SPEG: variants seen among roughly 807,000 people sequenced by gnomAD.
The protein encoded by SPEG is striated muscle enriched protein kinase.
Under a neutral mutation model 300.4 loss-of-function variants are expected in SPEG, and 114 were observed. The observed-to-expected ratio is 0.38, with a 90% CI of 0.33 to 0.44. The LOEUF is 0.44. Among genes scored for constraint, SPEG ranks in the 20% least tolerant of loss-of-function variants. The pLI is 1.00. For synonymous variants in SPEG, 1,964 were observed against 2,018.9 expected, an observed-to-expected ratio of 0.97 and a Z score of 0.73; for missense variants, 4,201 against 4,586.2, an observed-to-expected ratio of 0.92 and a Z score of 2.43.
intron 1 of SPEG, among the ~76,000 whole-genome samples, chr2:219,441,816 C>T (rs1688933473): frequency 6.6e-6 from 1 of 151,646 alleles, no homozygotes; most frequent in Admixed American, 6.6e-5. Context: ...AAGGAAGGGG[C>T]CCCAGGTGGG....
intron 13 of SPEG, among the ~76,000 whole-genome samples, chr2:219,471,261 G>A (rs936322570): frequency 1.3e-5 from 2 of 152,198 alleles, no homozygotes; most frequent in Non-Finnish European, 2.9e-5. Context: ...AGGGAGGAAT[G>A]TTGTGAGCAA....
intron 1 of SPEG, 39 bp downstream of exon 1, chr2:219,435,404 G>A: frequency 6.6e-7 from 1 of 1,505,118 alleles, no homozygotes; most frequent in Non-Finnish European, 8.8e-7. Flanking sequence ...CAGGGGCGGG[G>A]TGCTCAGAGG....
Position 219,443,312 on chromosome 2 carries a change from G to A in SPEG, c.389-1341G>A. On this transcript the variant is annotated intron_variant, in intron 1 of 40. Transcript: ENST00000312358. The surrounding 1 kb of genome is among the most constrained non-coding windows in gnomAD (Gnocchi z 4.6). ...CCACCCACCCGACCAGGCCCCCTGTGCCCTACAGCTGAGAGAGGACCCAGC... is the reference window on the plus strand; with the variant it reads ...CCACCCACCCGACCAGGCCCCCTGTACCCTACAGCTGAGAGAGGACCCAGC... 1 of 779,890 alleles carries A rather than the reference G, an allele frequency of 1.3e-6. No homozygotes were observed. Among genetic ancestry groups the A allele is most frequent in the Non-Finnish European group, 2.3e-6 (1 of 436,504 alleles). The allele number at this position is 779,890 out of a possible 1,614,324, so 48.3% of individuals were successfully genotyped here.
chr2:219,488,949 G>T (rs371835288), intron 34 of SPEG, 49 bp downstream of exon 34: 181 of 1,593,200 alleles, frequency 1.1e-4, no homozygotes, highest in Non-Finnish European at 1.5e-4. Context: ...GGGGAGGGTA[G>T]AGGAGTCTGG....
Position 219,484,637 on chromosome 2 carries a change from C to T in SPEG, c.7174C>T (p.Arg2392Cys). 1 of 1,539,990 alleles carries T rather than the reference C, an allele frequency of 6.5e-7. No homozygotes were observed. The highest frequency in any genetic ancestry group is 1.2e-5 in the South Asian group (1 of 84,498). The change falls in exon 30 of 41, where the codon CGC (arginine) becomes TGC (cysteine). Residue 2392 changes from arginine (R) to cysteine (C), a missense_variant. By Grantham distance (180) the Arg-to-Cys change is radical (BLOSUM62 -3). This residue lies in a region of SPEG where 1,578 missense variants were observed against 1,506.0 expected (regional missense o/e 1.05). Coordinates refer to ENST00000312358, the MANE Select transcript of SPEG (RefSeq NM_005876.5). ...LELVRRPERS[R>C]SVQDLRAVGE... is the part of the protein sequence containing the mutation. ...GCTGGTGCGACGGCCTGAGCGCTCA[C>T]GCTCGGTGCAGGACCTCAGGGCTGT...
intron 6 of SPEG, chr2:219,460,217 G>T (rs1391733750): frequency 1.3e-6 from 1 of 759,516 alleles, no homozygotes; most frequent in Non-Finnish European, 1.6e-6. Context: ...AGGGATGAGG[G>T]GGCAGAGGTG....
chr2:219,472,225 A>C lies in SPEG; in HGVS notation c.3836-2A>C, dbSNP rs755808686. Reference sequence around the variant, plus strand: ...AGCAGACATTCGAACTGCGGCTTTCAGATGTGGTCCCAGGCCCTCCAGATG... The same window carrying C: ...AGCAGACATTCGAACTGCGGCTTTCCGATGTGGTCCCAGGCCCTCCAGATG... On this transcript the variant is annotated splice_acceptor_variant, in intron 14 of 40. Coordinates refer to ENST00000312358, the MANE Select transcript of SPEG (RefSeq NM_005876.5). LOFTEE classifies it high-confidence loss of function. 3 of 1,613,428 alleles carry C rather than the reference A, an allele frequency of 1.9e-6. No individual in the cohort carries two copies. The highest frequency in any genetic ancestry group is 1.1e-5 in the South Asian group (1 of 91,082).
chr2:219,451,255 A>G lies in SPEG; in HGVS notation c.2233A>G (p.Ile745Val), dbSNP rs1689721831. 1 of 1,612,660 alleles carries G rather than the reference A, an allele frequency of 6.2e-7. No homozygotes were observed. Residue 745 changes from isoleucine (I) to valine (V), a missense_variant, in exon 5 of 41, where the codon ATC becomes GTC. Coordinates refer to ENST00000312358, the MANE Select transcript of SPEG (RefSeq NM_005876.5). The surrounding 1 kb of genome is among the most constrained non-coding windows in gnomAD (Gnocchi z 6.4). ...GGCAGATGTGCTGCTCAAGTGTATCATCACTGCCAACCCCCCGCCCCAAGG... is the reference window on the plus strand; with the variant it reads ...GGCAGATGTGCTGCTCAAGTGTATCGTCACTGCCAACCCCCCGCCCCAAGG... ...PGADVLLKCI[I>V]TANPPPQVSW...
At chr2:219,467,458 G>T (rs748684696) in intron 10 of SPEG, 24 bp downstream of exon 10, 2 of 1,580,894 alleles carry the variant, frequency 1.3e-6, no homozygotes, top group Non-Finnish European at 1.7e-6. Flanking sequence ...CAGGCATTGG[G>T]CTGCCGTGGG....
At chr2:219,453,267 C>A (rs1689910206) in intron 6 of SPEG, among the ~76,000 whole-genome samples, 1 of 152,242 alleles carries the variant, frequency 6.6e-6, no homozygotes, top group Non-Finnish European at 1.5e-5. Flanking sequence ...AGGCAGTTGT[C>A]AGCCCTTGAC....
In SPEG at chr2:219,464,581, C is replaced by G. The variant is rs746873715; in HGVS notation, c.2854C>G (p.Gln952Glu). ...AGCGGTCAATGAGTATGGTGCTCGGCAGTGCGAGGCCCGCTTGGAGGTCCG... is the reference window on the plus strand; with the variant it reads ...AGCGGTCAATGAGTATGGTGCTCGGGAGTGCGAGGCCCGCTTGGAGGTCCG... Reference protein sequence around the residue: ...CKAVNEYGARQCEARLEVRAH... With the variant: ...CKAVNEYGARECEARLEVRAH... Residue 952 changes from glutamine (Q) to glutamate (E), a missense_variant, in exon 9 of 41, where the codon CAG becomes GAG. Physicochemically the swap from Gln to Glu is conservative, Grantham distance 29. This residue lies in a region of SPEG where 1,047 missense variants were observed against 1,356.8 expected (regional missense o/e 0.77). Transcript: ENST00000312358. This position sits in a 1 kb window ranked among gnomAD's most constrained non-coding sequence, Gnocchi z 4.5. 4 of 1,614,070 alleles carry G rather than the reference C, an allele frequency of 2.5e-6. No homozygotes were observed. In the Admixed American group the frequency reaches 6.7e-5, roughly 27 times the overall value.
At position 219,489,842 on chromosome 2, in the gene SPEG, C is replaced by A; in HGVS notation, c.8824C>A (p.Pro2942Thr). The change falls in exon 36 of 41, where the codon CCT (proline) becomes ACT (threonine). Residue 2942 changes from proline to threonine, a missense_variant. Pro to Thr is a conservative substitution (Grantham distance 38). Transcript: ENST00000312358. ...LSPAKEVVSS[P>T]GSSPRSSPRP... ...CCCGGCCAAGGAGGTGGTCAGCTCCCCTGGGAGCAGTCCCCGAAGCTCTCC... is the reference window on the plus strand; with the variant it reads ...CCCGGCCAAGGAGGTGGTCAGCTCCACTGGGAGCAGTCCCCGAAGCTCTCC... 6.2e-7 allele frequency: 1 copy of A among 1,613,086 alleles called. No homozygotes were observed. The highest frequency in any genetic ancestry group is 1.3e-5 in the African/African-American group (1 of 75,042).
chr2:219,485,368 G>T lies in SPEG; in HGVS notation c.7632G>T (p.Arg2544=), dbSNP rs372553349. 4 of 1,606,458 alleles carry T rather than the reference G, an allele frequency of 2.5e-6. No homozygotes were observed. Among genetic ancestry groups the T allele is most frequent in the African/African-American group, 1.3e-5 (1 of 74,542 alleles). ...GSSAPGESRS[R]LRWGFSRPRK... ...CAGCCCCAGGGGAAAGCCGAAGCCG[G>T]CTCCGCTGGGGCTTCTCTCGGCCGC... The change falls in exon 31 of 41, where the codon CGG becomes CGT. Residue 2544 remains arginine, a synonymous_variant. Transcript: ENST00000312358.
At chr2:219,465,920 T>C (rs906701757) in intron 9 of SPEG, 4 of 714,204 alleles carry the variant, frequency 5.6e-6, no homozygotes, top group Admixed American at 2.2e-5. Flanking sequence ...TGCGTGTGTG[T>C]GTGCGCGCGT....
chr2:219,484,250 C>G lies in SPEG; in HGVS notation c.6787C>G (p.Gln2263Glu), dbSNP rs1482013836. 1.9e-6 allele frequency: 3 copies of G among 1,610,546 alleles called. No homozygotes were observed. Among genetic ancestry groups the G allele is most frequent in the African/African-American group, 1.3e-5 (1 of 74,912 alleles). Residue 2263 changes from glutamine (Q) to glutamate (E), a missense_variant, in exon 30 of 41, where the codon CAG (glutamine) becomes GAG (glutamate). Around this residue, in one of 4 missense-constraint regions of SPEG, gnomAD observed 1,578 missense variants for 1,506.0 expected, o/e 1.05. Coordinates refer to ENST00000312358, the MANE Select transcript of SPEG (RefSeq NM_005876.5). ...GTCAGGCCACGCCCAGGGCCCCTCG[C>G]AGGGCCCTGCCGCGCCGCCTTCAGA... ...QLSGHAQGPSQGPAAPPSEPK... is the reference protein window; with the variant it reads ...QLSGHAQGPSEGPAAPPSEPK...
Position 219,484,741 on chromosome 2 carries a change from C to T in SPEG, c.7278C>T (p.His2426=). ...RLRRTPPAQR[H]PAWEARGGDG... ...GGCGGACCCCTCCCGCGCAGCGCCA[C>T]CCGGCCTGGGAGGCCCGCGGCGGGG... The change falls in exon 30 of 41, where the codon CAC becomes CAT. Residue 2426 remains histidine (H), a synonymous_variant. Coordinates refer to ENST00000312358, the MANE Select transcript of SPEG (RefSeq NM_005876.5). The T allele has an allele frequency of 6.8e-7, 1 of 1,480,986 alleles. No homozygotes were observed. Among genetic ancestry groups the T allele is most frequent in the Non-Finnish European group, 8.9e-7 (1 of 1,127,270 alleles). 91.7% of individuals were successfully genotyped at this position (1,480,986 alleles called of 1,614,324 possible).
intron 13 of SPEG, among the ~76,000 whole-genome samples, chr2:219,470,550 T>G (rs1195381484): frequency 6.6e-6 from 1 of 152,212 alleles, no homozygotes; most frequent in African/African-American, 2.4e-5. Context: ...TTGGCTTCTC[T>G]TCTCTTATAA....
Position 219,483,619 on chromosome 2 carries a change from C to A in SPEG, c.6156C>A (p.Arg2052=). ...GGAGCCCCAGCCCGGGAGCCACCCGCCTGGCCCGGGGAGGCCTGGGTGAGG... is the reference window on the plus strand; with the variant it reads ...GGAGCCCCAGCCCGGGAGCCACCCGACTGGCCCGGGGAGGCCTGGGTGAGG... ...QRRSPSPGAT[R]LARGGLGEGE... The change falls in exon 30 of 41, where the codon CGC becomes CGA. Residue 2052 remains arginine (R), a synonymous_variant. Coordinates refer to ENST00000312358, the MANE Select transcript of SPEG (RefSeq NM_005876.5). 1 of 1,510,318 alleles carries A rather than the reference C, an allele frequency of 6.6e-7. No homozygotes were observed. Among genetic ancestry groups the A allele is most frequent in the East Asian group, 2.7e-5 (1 of 37,470 alleles). 93.6% of individuals were successfully genotyped at this position (1,510,318 alleles called of 1,614,324 possible).
chr2:219,492,097 A>T lies in SPEG; in HGVS notation c.9462-14A>T. ...CCGGTCTGCATACGTCAATCAAGCTATCTTCCCCAACAGGCTCAGTGGACG... is the reference window on the plus strand; with the variant it reads ...CCGGTCTGCATACGTCAATCAAGCTTTCTTCCCCAACAGGCTCAGTGGACG... On this transcript the variant is annotated splice_polypyrimidine_tract_variant and intron_variant, in intron 39 of 40. Transcript: ENST00000312358. The T allele has an allele frequency of 6.2e-7, 1 of 1,606,928 alleles. No homozygotes were observed. Among genetic ancestry groups the T allele is most frequent in the Non-Finnish European group, 8.5e-7 (1 of 1,175,458 alleles).
Sources: gnomAD v4.1 joint callset for allele counts (sites outside exome capture counted in the v4.1 genomes callset) on GRCh38, gnomAD v4.1.1 for gene constraint, gnomAD v4.1.1 regional missense constraint, Gnocchi (gnomAD v3.1) non-coding constraint, MANE v1.5 for transcripts, NCBI Gene and HGNC (gene_info 2026-07-23, HGNC 2026-07-21) for gene names.